ESPNL: variants seen among roughly 807,000 people sequenced by gnomAD.
ESPNL encodes espin like, also known as espin-like protein.
A neutral mutation model predicts 46.8 loss-of-function variants in ESPNL; 49 were observed. That is an observed-to-expected ratio of 1.05 (90% CI 0.83 to 1.33). The LOEUF (loss-of-function observed/expected upper bound fraction) is 1.33, where lower values mean the gene tolerates loss of function less well. Among genes scored for constraint, ESPNL ranks in the 40% most tolerant of loss-of-function variants. The pLI is 0.00. For missense variants in ESPNL, 1,540 were observed against 1,436.6 expected, an observed-to-expected ratio of 1.07 and a Z score of -1.16; for synonymous variants, 664 against 662.1, an observed-to-expected ratio of 1.00 and a Z score of -0.04.
intron 3 of ESPNL, among the ~76,000 whole-genome samples, chr2:238,106,497 C>G (rs1320157798): frequency 2.6e-5 from 4 of 152,214 alleles, no homozygotes; most frequent in Non-Finnish European, 5.9e-5. Context: ...CCTGCAAGTG[C>G]GCCCCTCCCC....
Position 238,104,853 on chromosome 2 carries a change from G to A in ESPNL, c.672+11G>A, listed in dbSNP as rs1438369670. 5 of 1,477,192 alleles carry A rather than the reference G, an allele frequency of 3.4e-6. No individual in the cohort carries two copies. In the East Asian group the frequency reaches 1.0e-4, roughly 31 times the overall value. The allele number at this position is 1,477,192 out of a possible 1,614,324, so 91.5% of individuals were successfully genotyped here. On this transcript the variant is annotated intron_variant, in intron 3 of 8. Coordinates refer to ENST00000343063, the MANE Select transcript of ESPNL (RefSeq NM_194312.4). ...CTCGTCGTCTGGCTGGTAAGTGGGTGCCAGAGGTGGGAAGGGGACATCCAG... is the reference window on the plus strand; with the variant it reads ...CTCGTCGTCTGGCTGGTAAGTGGGTACCAGAGGTGGGAAGGGGACATCCAG...
rs770109267 is a variant in ESPNL at position 238,128,900 on chromosome 2, C to T, written c.1409C>T (p.Ala470Val). Residue 470 changes from alanine to valine, a missense_variant, in exon 8 of 9, where the codon GCC becomes GTC. Coordinates refer to ENST00000343063, the MANE Select transcript of ESPNL (RefSeq NM_194312.4). ...ARLGAESSAE[A>V]QDNGGSSGPT... ...CTGGGCGCAGAGAGCTCCGCAGAGGCCCAGGTAGGCCCCCGGCAGGGGCGG... is the reference window on the plus strand; with the variant it reads ...CTGGGCGCAGAGAGCTCCGCAGAGGTCCAGGTAGGCCCCCGGCAGGGGCGG... 1.6e-5 allele frequency: 24 copies of T among 1,537,578 alleles called. No individual in the cohort carries two copies. The South Asian group carries it at 2.3e-4, about 15-fold the overall frequency.
At chr2:238,129,208 G>A (rs1692220794) in intron 8 of ESPNL, 4 of 1,308,602 alleles carry the variant, frequency 3.1e-6, no homozygotes, top group Non-Finnish European at 2.9e-6. Flanking sequence ...GCGTCTAGCA[G>A]GGAAGACGGT....
rs746420409 is a variant in ESPNL at position 238,116,906 on chromosome 2, T to C, written c.859T>C (p.Cys287Arg). ...ATGTGTGCCCTCCTCACTGCAGTGCTGCCAGACCCTAGTCTCCCACCACGT... is the reference window on the plus strand; with the variant it reads ...ATGTGTGCCCTCCTCACTGCAGTGCCGCCAGACCCTAGTCTCCCACCACGT... ...DAAENGQMEC[C>R]QTLVSHHVDP... The change falls in exon 5 of 9, where the codon TGC becomes CGC. Residue 287 changes from cysteine to arginine, a missense_variant. Cys to Arg is a radical substitution (Grantham distance 180). Coordinates refer to ENST00000343063, the MANE Select transcript of ESPNL (RefSeq NM_194312.4). 16 of 1,612,478 alleles carry C rather than the reference T, an allele frequency of 9.9e-6. No homozygotes were observed. The East Asian group carries it at 2.9e-4, about 29-fold the overall frequency.
At chr2:238,125,996 T>C (rs1692098966) in intron 6 of ESPNL, among the ~76,000 whole-genome samples, 1 of 151,516 alleles carries the variant, frequency 6.6e-6, no homozygotes, top group Admixed American at 6.6e-5. Context: ...TGATTGTGTC[T>C]GTGTGTATCT....
At chr2:238,117,468 CGTGGGTGATGTGGGTGAT>C (rs56313682) in intron 5 of ESPNL, among the ~76,000 whole-genome samples, 1 of 121,608 alleles carries the variant, frequency 8.2e-6, no homozygotes, top group Non-Finnish European at 1.9e-5. Context: ...CAGAGTTCCT[CGTGGGTGATGTGGGTGAT>C]GTGGGTGATG....
chr2:238,127,473 G>T, intron 6 of ESPNL, 149 bp from the exon 7 acceptor site: 1 of 1,387,312 alleles, frequency 7.2e-7, no homozygotes. Flanking sequence ...GGCCCCCGAG[G>T]TGTTCTGGGG....
chr2:238,107,015 A>T (rs1379966252), intron 3 of ESPNL, among the ~76,000 whole-genome samples: 1 of 152,176 alleles, frequency 6.6e-6, no homozygotes, highest in African/African-American at 2.4e-5. Flanking sequence ...TGGCCTCCCC[A>T]GTGGGGAAAG....
At chr2:238,117,375 G>A (rs1463451903) in intron 5 of ESPNL, among the ~76,000 whole-genome samples, 1 of 152,234 alleles carries the variant, frequency 6.6e-6, no homozygotes, top group Non-Finnish European at 1.5e-5. Flanking sequence ...GGCCCGGCCT[G>A]GGCTTGTGGC....
intron 3 of ESPNL, 146 bp from the exon 4 acceptor site, chr2:238,107,645 C>G (rs749396016): frequency 2.4e-6 from 2 of 821,872 alleles, no homozygotes; most frequent in Non-Finnish European, 1.9e-6. Flanking sequence ...CGTGCTCAGC[C>G]AGCCCTGTCC....
rs542269138 is a variant in ESPNL at position 238,105,887 on chromosome 2, C to T, written c.672+1045C>T. ...CTGGGGCCTCCTGTCTCCTGGCTCC[C>T]ACCCACTCAGTCCAGCTCCTTCTCC... On this transcript the variant is annotated intron_variant, in intron 3 of 8. Transcript: ENST00000343063. Among the ~76,000 whole-genome samples the T allele has an allele frequency of 3.1e-3, 468 of 152,254 alleles. 1 individual carries two copies. Among genetic ancestry groups the T allele is most frequent in the Admixed American group, 7.1e-3 (109 of 15,308 alleles).
chr2:238,105,907 T>C (rs1691586380), intron 3 of ESPNL, among the ~76,000 whole-genome samples: 1 of 152,112 alleles, frequency 6.6e-6, no homozygotes, highest in Admixed American at 6.5e-5. Flanking sequence ...GTCCAGCTCC[T>C]TCTCCAGCAA....
intron 5 of ESPNL, among the ~76,000 whole-genome samples, chr2:238,123,245 C>T (rs1692027844): frequency 6.6e-6 from 1 of 152,212 alleles, no homozygotes; most frequent in African/African-American, 2.4e-5. Flanking sequence ...GCTTTGTGTT[C>T]TTGGTCTTTC....
intron 3 of ESPNL, among the ~76,000 whole-genome samples, chr2:238,106,958 G>T (rs1691611609): frequency 6.6e-6 from 1 of 152,236 alleles, no homozygotes; most frequent in Admixed American, 6.5e-5. Context: ...GCGCTAGGAG[G>T]CACTCACACC....
chr2:238,101,682 A>T (rs1328274320), intron 1 of ESPNL, among the ~76,000 whole-genome samples: 1 of 152,150 alleles, frequency 6.6e-6, no homozygotes, highest in Non-Finnish European at 1.5e-5. Context: ...CACACTGGGG[A>T]CGGGCCCAGG....
chr2:238,117,162 T>C (rs539009882), intron 5 of ESPNL, 128 bp downstream of exon 5: 4 of 1,295,914 alleles, frequency 3.1e-6, no homozygotes, highest in Non-Finnish European at 4.2e-6. Flanking sequence ...ATACATGGCA[T>C]TGGAGCCAGG....
chr2:238,118,865 A>AGT (rs1691899712), intron 5 of ESPNL, among the ~76,000 whole-genome samples: 9 of 94,284 alleles, frequency 9.5e-5, no homozygotes, highest in African/African-American at 4.2e-4. Flanking sequence ...ATGGAAGAGG[A>AGT]CGGATGGAGG....
chr2:238,106,938 C>T (rs1004119727), intron 3 of ESPNL, among the ~76,000 whole-genome samples: 47 of 152,218 alleles, frequency 3.1e-4, no homozygotes, highest in Non-Finnish European at 5.9e-4. Flanking sequence ...CAGTCAGGAG[C>T]GCCCTGGCTG....
chr2:238,102,132 G>A lies in ESPNL; in HGVS notation c.485+1G>A, dbSNP rs1298973746. 2 of 1,533,228 alleles carry A rather than the reference G, an allele frequency of 1.3e-6. No individual in the cohort carries two copies. Among genetic ancestry groups the A allele is most frequent in the South Asian group, 1.2e-5 (1 of 82,512 alleles). The allele number at this position is 1,533,228 out of a possible 1,614,324, so 95.0% of individuals were successfully genotyped here. A position where few individuals can be genotyped will look rare whatever the true frequency, so the allele number is the denominator to read the frequency against. On this transcript the variant is annotated splice_donor_variant, in intron 2 of 8. Coordinates refer to ENST00000343063, the MANE Select transcript of ESPNL (RefSeq NM_194312.4). LOFTEE classifies it high-confidence loss of function. ...AGCTCCTGACAGCCGCGCATGGCAG[G>A]TAAGGAGCCCAAAGTCCCGCCTGGG... is the stretch of plus-strand genomic sequence containing the variant.
Sources: gnomAD v4.1 joint callset for allele counts (sites outside exome capture counted in the v4.1 genomes callset) on GRCh38, gnomAD v4.1.1 for gene constraint, MANE v1.5 for transcripts, NCBI Gene and HGNC (gene_info 2026-07-23, HGNC 2026-07-21) for gene names.